Variants in ZNF236 observed in about 807,000 individuals in gnomAD.
The protein encoded by ZNF236 is regulated by glucose.
ZNF236 carries 50 observed loss-of-function variants against 191.2 expected under a neutral mutation model. The ratio of observed to expected loss-of-function variants is 0.26; its 90% CI spans 0.21 to 0.33. The LOEUF (loss-of-function observed/expected upper bound fraction) is 0.33. Ranked by LOEUF, ZNF236 falls within the 10% of genes least tolerant of loss-of-function variation. The pLI, the probability that ZNF236 is intolerant of heterozygous loss-of-function variation, is 1.00. For synonymous variants in ZNF236, 907 were observed against 928.8 expected (o/e 0.98, Z 0.43); for missense variants, 1,754 against 2,374.5 (o/e 0.74, Z 5.43).
chr18:76,942,024 A>T (rs966655745), intron 26 of ZNF236, among the ~76,000 whole-genome samples: 33 of 152,224 alleles, frequency 2.2e-4, no homozygotes, highest in African/African-American at 7.0e-4. Context: ...TAATGAACCT[A>T]CAAGAAAATG....
chr18:76,849,786 A>AAAATG, intron 2 of ZNF236, 118 bp downstream of exon 2: 1 of 937,070 alleles, frequency 1.1e-6, no homozygotes, highest in Non-Finnish European at 1.5e-6. Context: ...AACATTTTAT[A>AAAATG]TTCTACAAAT....
intron 18 of ZNF236, among the ~76,000 whole-genome samples, chr18:76,914,587 A>G (rs1050030681): frequency 6.6e-6 from 1 of 152,006 alleles, no homozygotes; most frequent in Non-Finnish European, 1.5e-5. Flanking sequence ...GGCCTTGTGG[A>G]TGGTCATGAG....
chr18:76,965,378 T>G (rs1968747127), intron 30 of ZNF236, among the ~76,000 whole-genome samples: 1 of 152,212 alleles, frequency 6.6e-6, no homozygotes, highest in Non-Finnish European at 1.5e-5. Flanking sequence ...CCTGAATTCT[T>G]TTTCAGGTAA....
chr18:76,862,636 A>G (rs1205891707), intron 3 of ZNF236, among the ~76,000 whole-genome samples: 3 of 152,136 alleles, frequency 2.0e-5, no homozygotes. Context: ...TGGGTCCACT[A>G]GGGAGTTGGG....
intron 3 of ZNF236, among the ~76,000 whole-genome samples, chr18:76,856,720 C>T (rs550157167): frequency 6.6e-6 from 1 of 151,982 alleles, no homozygotes; most frequent in South Asian, 2.1e-4. Flanking sequence ...TATTTACATT[C>T]CTGGAAAGTT....
intron 26 of ZNF236, among the ~76,000 whole-genome samples, chr18:76,938,371 C>G (rs1476878735): frequency 1.3e-5 from 2 of 152,150 alleles, no homozygotes; most frequent in Non-Finnish European, 2.9e-5. Context: ...GCCTGAACGA[C>G]AGAGTGAGAC....
chr18:76,849,923 TA>T (rs944694449), intron 2 of ZNF236, among the ~76,000 whole-genome samples: 15 of 152,252 alleles, frequency 9.9e-5, no homozygotes, highest in African/African-American at 3.4e-4. Flanking sequence ...AATAATTGTT[TA>T]AAAAATATGA....
chr18:76,964,681 T>G (rs1968733444), intron 30 of ZNF236, among the ~76,000 whole-genome samples: 1 of 152,214 alleles, frequency 6.6e-6, no homozygotes, highest in Non-Finnish European at 1.5e-5. Flanking sequence ...CCACTATTAT[T>G]ATGTTGCTGT....
chr18:76,905,494 T>A, intron 13 of ZNF236, 79 bp downstream of exon 13: 2 of 1,431,196 alleles, frequency 1.4e-6, no homozygotes, highest in Non-Finnish European at 1.9e-6. Flanking sequence ...TAGGAAATAA[T>A]TGTCTTTGAT....
chr18:76,905,162 A>G lies in ZNF236; in HGVS notation c.2044A>G (p.Thr682Ala), dbSNP rs866905700. ...TGTGTATTTTTTTTTAAGATCCCAT[A>G]CAGGTGAAAAACCTTTTAAATGTTC... ...CHLKQHIRSH[T>A]GEKPFKCSQC... The change falls in exon 13 of 31, where the codon ACA becomes GCA. Residue 682 changes from threonine to alanine, a missense_variant. Coordinates refer to ENST00000320610, the MANE Select transcript of ZNF236 (RefSeq NM_001306089.2). 2 of 1,611,390 alleles carry G rather than the reference A, an allele frequency of 1.2e-6. No homozygotes were observed. The highest frequency in any genetic ancestry group is 8.5e-7 in the Non-Finnish European group (1 of 1,178,602).
At chr18:76,887,910 C>G (rs1431811468) in intron 9 of ZNF236, 3 of 152,086 alleles carry the variant, frequency 2.0e-5, no homozygotes, top group Non-Finnish European at 4.4e-5. Flanking sequence ...ATATCAGAGG[C>G]TTTTGTGTGA....
At chr18:76,859,540 A>G (rs1976152882) in intron 3 of ZNF236, among the ~76,000 whole-genome samples, 2 of 152,130 alleles carry the variant, frequency 1.3e-5, no homozygotes, top group African/African-American at 4.8e-5. Flanking sequence ...TTTCCTATTT[A>G]CAATCATTCG....
In ZNF236 at chr18:76,847,708, T is replaced by A. The variant is rs9955090; in HGVS notation, c.56-1818T>A. Among the ~76,000 whole-genome samples, 919 of 152,278 alleles carry A rather than the reference T, an allele frequency of 6.0e-3. 7 individuals are homozygous for A. Among genetic ancestry groups the A allele is most frequent in the African/African-American group, 0.019 (793 of 41,556 alleles). On this transcript the variant is annotated intron_variant, in intron 1 of 30. Coordinates refer to ENST00000320610, the MANE Select transcript of ZNF236 (RefSeq NM_001306089.2). The stretch of plus-strand genomic sequence containing the variant: ...ATGGTCTTGATCTCCTGACTTCGTG[T>A]TCCACCCGCCTTGGCCTCCTGCCTC...
At chr18:76,865,866 A>G (rs1166552132) in intron 3 of ZNF236, among the ~76,000 whole-genome samples, 1 of 152,220 alleles carries the variant, frequency 6.6e-6, no homozygotes, top group East Asian at 1.9e-4. Context: ...TCTTAAATAT[A>G]CTTAGGAACT....
rs541023698 is a variant in ZNF236, at chr18:76,836,100, G to A, written c.56-13426G>A. ...TTTTTGTATTTTTAGTAGAGACGGG[G>A]TTTCACCATGTTGGCCAGGCTGGTC... is the stretch of plus-strand genomic sequence containing the variant. On this transcript the variant is annotated intron_variant, in intron 1 of 30. Transcript: ENST00000320610. 6.6e-5 allele frequency among the ~76,000 whole-genome samples: 10 copies of A among 151,994 alleles called. No homozygotes were observed. In the East Asian group the frequency reaches 1.8e-3, roughly 27 times the overall value.
chr18:76,825,588 G>T (rs909000880), intron 1 of ZNF236, among the ~76,000 whole-genome samples: 3 of 147,040 alleles, frequency 2.0e-5, no homozygotes, highest in African/African-American at 7.7e-5. Flanking sequence ...ACAAAGATTT[G>T]TAAAAATGAA....
At chr18:76,871,482 A>G (rs751696170) in intron 4 of ZNF236, among the ~76,000 whole-genome samples, 6 of 152,106 alleles carry the variant, frequency 3.9e-5, no homozygotes, top group Admixed American at 6.6e-5. Context: ...TTGACCTGGA[A>G]AAAACAAATT....
At position 76,927,783 on chromosome 18, in the gene ZNF236, A is replaced by G. The variant is rs1055210129; in HGVS notation, c.4415-144A>G. The G allele has an allele frequency of 6.1e-6, 5 of 824,580 alleles. No homozygotes were observed. The highest frequency in any genetic ancestry group is 9.1e-6 in the Non-Finnish European group (5 of 549,144). The allele number at this position is 824,580 out of a possible 1,614,324, so 51.1% of individuals were successfully genotyped here. A position where few individuals can be genotyped will look rare whatever the true frequency, so the allele number is the denominator to read the frequency against. On this transcript the variant is annotated intron_variant, in intron 24 of 30. Transcript: ENST00000320610. The surrounding 1 kb of genome is among the most constrained non-coding windows in gnomAD (Gnocchi z 5.4). Reference sequence around the variant, plus strand: ...CAAGGCTTTCTTCTTAGACGAAGGAATTAGAGATGACTGATGCTTTGTTTT... The same window carrying G: ...CAAGGCTTTCTTCTTAGACGAAGGAGTTAGAGATGACTGATGCTTTGTTTT...
At chr18:76,826,601 G>A (rs1180878042) in intron 1 of ZNF236, among the ~76,000 whole-genome samples, 1 of 150,222 alleles carries the variant, frequency 6.7e-6, no homozygotes, top group African/African-American at 2.5e-5. Flanking sequence ...GACCAGCCTG[G>A]CCCCCATGGT....
Sources: allele counts gnomAD v4.1 joint callset (sites outside exome capture counted in the v4.1 genomes callset), GRCh38; gene constraint gnomAD v4.1.1; non-coding constraint Gnocchi (gnomAD v3.1); transcripts MANE v1.5; gene names NCBI Gene and HGNC (gene_info 2026-07-23, HGNC 2026-07-21).